NRG1: variants seen among roughly 807,000 people sequenced by gnomAD.
The protein encoded by NRG1 is neuregulin 1.
In NRG1, 18 loss-of-function variants were observed where a neutral mutation model predicts 63.8. The observed-to-expected ratio is 0.28, with a 90% confidence interval of 0.19 to 0.42. The LOEUF is 0.42. Among genes scored for constraint, NRG1 ranks in the 10% least tolerant of loss-of-function variants. NRG1 has a pLI of 1.00. For synonymous variants in NRG1, 302 were observed against 301.3 expected (o/e 1.00, Z -0.02); for missense variants, 762 against 814.7 (o/e 0.94, Z 0.79).
rs149321163 is a variant in NRG1 at position 31,685,697 on chromosome 8, G to A, written c.37+46266G>A. On this transcript the variant is annotated intron_variant, in intron 1 of 10. Coordinates refer to the NRG1 transcript ENST00000519301. The stretch of plus-strand genomic sequence containing the variant: ...GTTCCAACCCTAGGCAACTACTTAC[G>A]TACTTTTTATTTCTATGGTTTTTCT... Among the ~76,000 whole-genome samples the A allele has an allele frequency of 9.5e-4, 144 of 152,228 alleles. 1 individual carries two copies. In the East Asian group the frequency reaches 0.023, roughly 24 times the overall value.
chr8:31,905,184 A>C (rs1832423220), intron 1 of NRG1, among the ~76,000 whole-genome samples: 1 of 152,100 alleles, frequency 6.6e-6, no homozygotes. Context: ...AGCCTTGACT[A>C]ATATTATTGC....
At chr8:32,027,334 T>C (rs1331933224) in intron 1 of NRG1, among the ~76,000 whole-genome samples, 1 of 152,134 alleles carries the variant, frequency 6.6e-6, no homozygotes. Flanking sequence ...CTTATATGAA[T>C]TTCAAATTGA....
At chr8:31,952,858 T>C (rs1271610155) in intron 1 of NRG1, among the ~76,000 whole-genome samples, 1 of 152,230 alleles carries the variant, frequency 6.6e-6, no homozygotes, top group African/African-American at 2.4e-5. Flanking sequence ...CATCATTTGT[T>C]GATTCATAAA....
chr8:31,958,942 A>G (rs1804949751), intron 1 of NRG1, among the ~76,000 whole-genome samples: 1 of 152,172 alleles, frequency 6.6e-6, no homozygotes, highest in South Asian at 2.1e-4. Context: ...ACAGGATTTC[A>G]AGTCAGGAGA....
intron 5 of NRG1, among the ~76,000 whole-genome samples, chr8:32,673,210 T>C (rs1806166885): frequency 6.6e-6 from 1 of 152,230 alleles, no homozygotes; most frequent in Non-Finnish European, 1.5e-5. Flanking sequence ...TAATGTATTA[T>C]ATGAAGGAAA....
At chr8:32,648,827 C>G (rs1349495890) in intron 5 of NRG1, among the ~76,000 whole-genome samples, 1 of 152,208 alleles carries the variant, frequency 6.6e-6, no homozygotes, top group African/African-American at 2.4e-5. Flanking sequence ...CCCTCTACCT[C>G]TCAGCGACCC....
intron 1 of NRG1, among the ~76,000 whole-genome samples, chr8:32,276,904 A>G (rs1487146): frequency 0.22 from 33,694 of 152,162 alleles, 4,470 homozygotes; most frequent in East Asian, 0.61. Context: ...GCCACAACGA[A>G]TGCCACTTCA....
At chr8:32,770,016 G>A (rs1668326676), downstream of NRG1, among the ~76,000 whole-genome samples, 1 of 152,166 alleles carries the variant, frequency 6.6e-6, no homozygotes. Context: ...TTAAAGAAGA[G>A]ACAGAGAATG....
intron 1 of NRG1, among the ~76,000 whole-genome samples, chr8:31,745,055 A>G (rs1478240586): frequency 6.6e-6 from 1 of 152,024 alleles, no homozygotes; most frequent in Non-Finnish European, 1.5e-5. Flanking sequence ...TGAATAATGA[A>G]TTGCAGAGTT....
chr8:32,184,650 G>A (rs913033626), intron 1 of NRG1, among the ~76,000 whole-genome samples: 40 of 151,892 alleles, frequency 2.6e-4, no homozygotes, highest in African/African-American at 9.4e-4. Context: ...ATGTAGTAGA[G>A]CTAAAGACAT....
chr8:32,456,054 A>G (rs763729289), intron 1 of NRG1, among the ~76,000 whole-genome samples: 23 of 152,218 alleles, frequency 1.5e-4, no homozygotes, highest in Non-Finnish European at 2.2e-4. Flanking sequence ...AGGGAAATCT[A>G]TTTATGACTA....
At chr8:31,864,812 T>C (rs531378315) in intron 1 of NRG1, among the ~76,000 whole-genome samples, 22 of 152,036 alleles carry the variant, frequency 1.4e-4, no homozygotes, top group Non-Finnish European at 2.6e-4. Context: ...AGCAGATTGG[T>C]GGACAATTGA....
At chr8:32,728,298 T>G (rs1033283118) in intron 6 of NRG1, 75 of 981,472 alleles carry the variant, frequency 7.6e-5, no homozygotes, top group Middle Eastern at 5.2e-4. Context: ...TGTGAGGTGT[T>G]TTTTGTTTTT....
At chr8:32,544,875 T>G (rs1205453977), upstream of NRG1, among the ~76,000 whole-genome samples, 1 of 151,964 alleles carries the variant, frequency 6.6e-6, no homozygotes, top group Non-Finnish European at 1.5e-5. Context: ...TCATATACAT[T>G]TAGTGGTTGT....
intron 5 of NRG1, among the ~76,000 whole-genome samples, chr8:32,639,266 TG>T (rs1441209261): frequency 6.6e-6 from 1 of 151,728 alleles, no homozygotes; most frequent in East Asian, 1.9e-4. Flanking sequence ...ATTAGCCAGG[TG>T]TGGTGGTGCA....
chr8:32,181,738 T>C (rs1563880227), intron 1 of NRG1, among the ~76,000 whole-genome samples: 1 of 152,228 alleles, frequency 6.6e-6, no homozygotes, highest in Non-Finnish European at 1.5e-5. Flanking sequence ...TCAAGATATT[T>C]TAATACTTTA....
At chr8:31,881,291 T>TTATGGTGA (rs1830326796) in intron 1 of NRG1, among the ~76,000 whole-genome samples, 1 of 152,290 alleles carries the variant, frequency 6.6e-6, no homozygotes, top group South Asian at 2.1e-4. Flanking sequence ...TATTAATCTG[T>TTATGGTGA]TATGGTGATC....
At chr8:31,999,339 T>G (rs952202013) in intron 1 of NRG1, among the ~76,000 whole-genome samples, 1 of 152,018 alleles carries the variant, frequency 6.6e-6, no homozygotes, top group Non-Finnish European at 1.5e-5. Flanking sequence ...CATACTTAGC[T>G]TAAATTATGT....
chr8:32,385,795 A>G (rs564753168), intron 1 of NRG1, among the ~76,000 whole-genome samples: 30 of 152,312 alleles, frequency 2.0e-4, no homozygotes, highest in African/African-American at 7.0e-4. Context: ...GATCCAAGCC[A>G]TATCACCTAG....
Sources: allele counts gnomAD v4.1 joint callset (sites outside exome capture counted in the v4.1 genomes callset), GRCh38; gene constraint gnomAD v4.1.1; transcripts MANE v1.5; gene names NCBI Gene and HGNC (gene_info 2026-07-23, HGNC 2026-07-21).